PRDM2: variants seen among roughly 807,000 people sequenced by gnomAD.
The protein encoded by PRDM2 is PR/SET domain 2.
A neutral mutation model predicts 130.0 loss-of-function variants in PRDM2; 30 were observed. That is an observed-to-expected ratio of 0.23 (90% CI 0.17 to 0.31). The LOEUF is 0.31. Among genes scored for constraint, PRDM2 ranks in the 10% least tolerant of loss-of-function variants. The pLI is 1.00. For missense variants in PRDM2, 2,011 were observed against 2,108.4 expected (o/e 0.95, Z 0.90); for synonymous variants, 871 against 782.4 (o/e 1.11, Z -1.89).
chr1:13,803,710 C>T lies in PRDM2; in HGVS notation c.5037-12717C>T, dbSNP rs570167662. Among the ~76,000 whole-genome samples, 17 of 152,280 alleles carry T rather than the reference C, an allele frequency of 1.1e-4. No individual in the cohort carries two copies. The highest frequency in any genetic ancestry group is 3.6e-4 in the African/African-American group (15 of 41,564). On this transcript the variant is annotated intron_variant, in intron 8 of 9. Transcript: ENST00000311066. The surrounding 1 kb of genome is among the most constrained non-coding windows in gnomAD (Gnocchi z 6.2). ...CAGCCACAGCCGGGGGCTTTCCCCG[C>T]GGGCAGGTTCTCCGGGCCGAGGTCA...
intron 6 of PRDM2, among the ~76,000 whole-genome samples, chr1:13,750,268 T>A (rs1285239633): frequency 2.6e-5 from 4 of 152,298 alleles, no homozygotes; most frequent in African/African-American, 7.2e-5. Context: ...CTTTTTTTTT[T>A]AATGAAGAAT....
At chr1:13,717,460 ATTG>A in intron 2 of PRDM2, 2 of 981,756 alleles carry the variant, frequency 2.0e-6, no homozygotes, top group Non-Finnish European at 2.4e-6. Context: ...AAATGTTAAT[ATTG>A]TTCTTGTTGC....
chr1:13,757,905 C>G (rs1489814117), intron 6 of PRDM2, among the ~76,000 whole-genome samples: 1 of 151,284 alleles, frequency 6.6e-6, no homozygotes, highest in Non-Finnish European at 1.5e-5. Flanking sequence ...TGACTCATAC[C>G]AGAGGAGAAG....
Position 13,779,751 on chromosome 1 carries a change from C to T in PRDM2, c.1956C>T (p.Ala652=), listed in dbSNP as rs1176947387. ...CACCTGCACTGCCCAAAATTAAGGCCGAAACAGACTCTGACCCCATGGTCC... is the reference window on the plus strand; with the variant it reads ...CACCTGCACTGCCCAAAATTAAGGCTGAAACAGACTCTGACCCCATGGTCC... The part of the protein sequence containing the change: ...ASPPALPKIK[A]ETDSDPMVPS... Residue 652 remains alanine (A), a synonymous_variant, in exon 8 of 10, where the codon GCC becomes GCT. Transcript: ENST00000311066. This position sits in a 1 kb window ranked among gnomAD's most constrained non-coding sequence, Gnocchi z 4.9. The T allele has an allele frequency of 8.7e-6, 14 of 1,613,976 alleles. No homozygotes were observed. Among genetic ancestry groups the T allele is most frequent in the African/African-American group, 1.3e-5 (1 of 74,906 alleles).
intron 8 of PRDM2, among the ~76,000 whole-genome samples, chr1:13,796,274 G>T (rs1044009699): frequency 6.6e-6 from 1 of 152,176 alleles, no homozygotes; most frequent in Non-Finnish European, 1.5e-5. Flanking sequence ...GATATTGTCT[G>T]TACTTCCTGG....
At chr1:13,809,703 G>T (rs987503881) in intron 8 of PRDM2, among the ~76,000 whole-genome samples, 3 of 152,206 alleles carry the variant, frequency 2.0e-5, no homozygotes, top group African/African-American at 7.2e-5. Context: ...GCATCGCCTA[G>T]GGAGGGAGTC....
At chr1:13,722,190 TC>T (rs1642751454) in intron 2 of PRDM2, among the ~76,000 whole-genome samples, 2 of 152,164 alleles carry the variant, frequency 1.3e-5, no homozygotes, top group African/African-American at 4.8e-5. Context: ...GGGACCATTC[TC>T]CATAGGCCTT....
At chr1:13,703,545 T>C (rs895277413) in intron 1 of PRDM2, among the ~76,000 whole-genome samples, 2 of 152,266 alleles carry the variant, frequency 1.3e-5, no homozygotes, top group African/African-American at 4.8e-5. Flanking sequence ...TTTGTGACTT[T>C]ATTGAATGGT....
At chr1:13,765,412 G>A (rs1250093959) in intron 6 of PRDM2, among the ~76,000 whole-genome samples, 2 of 152,126 alleles carry the variant, frequency 1.3e-5, no homozygotes, top group East Asian at 3.9e-4. Flanking sequence ...CAGCAGAGCT[G>A]AGGTCTAATT....
chr1:13,705,332 T>A (rs1350099182), intron 1 of PRDM2: 1 of 152,220 alleles, frequency 6.6e-6, no homozygotes, highest in Non-Finnish European at 1.5e-5. Flanking sequence ...TAGATATTTC[T>A]CCTAATACAA....
At chr1:13,794,967 C>T (rs1174044053) in intron 8 of PRDM2, among the ~76,000 whole-genome samples, 1 of 152,196 alleles carries the variant, frequency 6.6e-6, no homozygotes, top group East Asian at 1.9e-4. Flanking sequence ...GAGCTGCTTC[C>T]TTCTTATAGC....
chr1:13,717,341 G>T (rs1358200600), intron 2 of PRDM2: 2 of 747,118 alleles, frequency 2.7e-6, no homozygotes, highest in African/African-American at 1.9e-5. Context: ...TTCTTATTAC[G>T]AACCTGGTCA....
chr1:13,749,146 A>G (rs2100533209), intron 5 of PRDM2, among the ~76,000 whole-genome samples: 1 of 151,774 alleles, frequency 6.6e-6, no homozygotes, highest in East Asian at 1.9e-4. Context: ...CCCTCGCCCC[A>G]CGCCGCGGGT....
chr1:13,800,464 A>G (rs1373294343), intron 8 of PRDM2, among the ~76,000 whole-genome samples: 1 of 152,156 alleles, frequency 6.6e-6, no homozygotes, highest in Non-Finnish European at 1.5e-5. Flanking sequence ...ATTGTGTGCC[A>G]TAGGGAGCGA....
intron 3 of PRDM2, among the ~76,000 whole-genome samples, chr1:13,732,499 G>A (rs913681855): frequency 6.6e-6 from 1 of 152,018 alleles, no homozygotes; most frequent in African/African-American, 2.4e-5. Flanking sequence ...CCTACTGTAC[G>A]GGTAGTGTTA....
intron 1 of PRDM2, among the ~76,000 whole-genome samples, chr1:13,710,674 C>G (rs1024757044): frequency 1.3e-5 from 2 of 151,986 alleles, no homozygotes; most frequent in African/African-American, 4.8e-5. Context: ...TTTGATTAGG[C>G]GTGGAAATGC....
chr1:13,788,795 C>T (rs1265556060), intron 8 of PRDM2, among the ~76,000 whole-genome samples: 1 of 152,216 alleles, frequency 6.6e-6, no homozygotes, highest in Non-Finnish European at 1.5e-5. Context: ...GGATTTCCAT[C>T]CTAACCCATC....
At chr1:13,743,195 T>C (rs374089033) in intron 5 of PRDM2, among the ~76,000 whole-genome samples, 10 of 152,062 alleles carry the variant, frequency 6.6e-5, no homozygotes, top group East Asian at 1.9e-4. Context: ...GTCAGGAGAT[T>C]GAGACCATCC....
intron 1 of PRDM2, among the ~76,000 whole-genome samples, chr1:13,708,768 G>A (rs1422352998): frequency 6.6e-6 from 1 of 152,060 alleles, no homozygotes; most frequent in Non-Finnish European, 1.5e-5. Context: ...TTTGGTATTG[G>A]GAGAAATCCT....
Sources: gnomAD v4.1 joint callset for allele counts (sites outside exome capture counted in the v4.1 genomes callset) on GRCh38, gnomAD v4.1.1 for gene constraint, Gnocchi (gnomAD v3.1) non-coding constraint, MANE v1.5 for transcripts, NCBI Gene and HGNC (gene_info 2026-07-23, HGNC 2026-07-21) for gene names.